Variants in TAFA1 observed in about 807,000 individuals in gnomAD.
TAFA1 encodes TAFA chemokine like family member 1.
In TAFA1, 4 loss-of-function variants were observed where a neutral mutation model predicts 18.5. The ratio of observed to expected loss-of-function variants is 0.22; its 90% CI spans 0.11 to 0.49. TAFA1 has a LOEUF of 0.49. Among genes scored for constraint, TAFA1 ranks in the 20% least tolerant of loss-of-function variants. The pLI, the probability that TAFA1 is intolerant of heterozygous loss-of-function variation, is 0.98. For synonymous variants in TAFA1, 56 were observed against 55.2 expected (o/e 1.01, Z -0.06); for missense variants, 147 against 169.0 (o/e 0.87, Z 0.72).
chr3:68,273,774 T>A (rs1232774239), intron 2 of TAFA1, among the ~76,000 whole-genome samples: 5 of 152,152 alleles, frequency 3.3e-5, no homozygotes, highest in Admixed American at 3.3e-4. Context: ...GGTAATAGTA[T>A]AATGCACAGG....
chr3:68,354,852 T>G (rs1174653757), intron 2 of TAFA1, among the ~76,000 whole-genome samples: 1 of 151,926 alleles, frequency 6.6e-6, no homozygotes, highest in African/African-American at 2.4e-5. Flanking sequence ...TCAAGCCCTT[T>G]TATAAGCCAG....
At chr3:68,366,958 C>A (rs911708673) in intron 2 of TAFA1, among the ~76,000 whole-genome samples, 4 of 152,038 alleles carry the variant, frequency 2.6e-5, no homozygotes, top group Non-Finnish European at 5.9e-5. Context: ...GGACATTGAC[C>A]CTGACTCAAG....
chr3:68,414,962 C>T (rs1421610612), intron 2 of TAFA1, among the ~76,000 whole-genome samples: 1 of 152,136 alleles, frequency 6.6e-6, no homozygotes, highest in Non-Finnish European at 1.5e-5. Flanking sequence ...CTAGCTGTTA[C>T]TGACTTGACG....
chr3:68,410,575 A>G (rs1302864111), intron 2 of TAFA1, among the ~76,000 whole-genome samples: 5 of 151,988 alleles, frequency 3.3e-5, no homozygotes, highest in Non-Finnish European at 5.9e-5. Flanking sequence ...GAGTAGTACA[A>G]ACAACCTCCA....
chr3:68,430,999 T>A (rs1323869230), intron 3 of TAFA1, among the ~76,000 whole-genome samples: 1 of 152,000 alleles, frequency 6.6e-6, no homozygotes, highest in African/African-American at 2.4e-5. Context: ...CATGTCAATT[T>A]ATTTTTCTCC....
intron 2 of TAFA1, among the ~76,000 whole-genome samples, chr3:68,395,803 T>C (rs1340746233): frequency 6.6e-6 from 1 of 151,932 alleles, no homozygotes; most frequent in Non-Finnish European, 1.5e-5. Flanking sequence ...CTGGGGCCTG[T>C]TGGAGGATGG....
chr3:68,167,786 T>G (rs958011811), intron 2 of TAFA1, among the ~76,000 whole-genome samples: 1 of 151,882 alleles, frequency 6.6e-6, no homozygotes, highest in African/African-American at 2.4e-5. Context: ...GTTACAGAAG[T>G]CTAAATTACT....
chr3:68,020,552 A>G (rs2106795409), intron 2 of TAFA1, among the ~76,000 whole-genome samples: 1 of 152,078 alleles, frequency 6.6e-6, no homozygotes, highest in East Asian at 1.9e-4. Context: ...CTTATATTTT[A>G]TGTAAATATG....
intron 2 of TAFA1, among the ~76,000 whole-genome samples, chr3:68,169,512 T>C (rs1488782057): frequency 6.6e-6 from 1 of 152,220 alleles, no homozygotes; most frequent in African/African-American, 2.4e-5. Flanking sequence ...TCCCTGAACA[T>C]CTTATTTAGT....
At chr3:68,464,853 C>A (rs2071855723) in intron 3 of TAFA1, among the ~76,000 whole-genome samples, 1 of 152,248 alleles carries the variant, frequency 6.6e-6, no homozygotes, top group South Asian at 2.1e-4. Flanking sequence ...CATGACACTG[C>A]ATGACTTGCT....
chr3:68,000,126 T>A (rs1015934779), upstream of TAFA1, among the ~76,000 whole-genome samples: 1 of 152,196 alleles, frequency 6.6e-6, no homozygotes, highest in Non-Finnish European at 1.5e-5. Context: ...TCATTATGCA[T>A]GCCATCCTGA....
intron 3 of TAFA1, among the ~76,000 whole-genome samples, chr3:68,420,782 A>G (rs1283407346): frequency 6.6e-6 from 1 of 152,104 alleles, no homozygotes; most frequent in Admixed American, 6.6e-5. Context: ...CAAAATGTCA[A>G]TGGTGCTGAG....
In TAFA1 at chr3:68,271,791, C is replaced by T. The variant is rs1427104516; in HGVS notation, c.119-145489C>T. Among the ~76,000 whole-genome samples, 8 of 151,308 alleles carry T rather than the reference C, an allele frequency of 5.3e-5. No individual in the cohort carries two copies. In the South Asian group the frequency reaches 1.7e-3, roughly 32 times the overall value. ...CCCTTCCATATTAGATTTTTCTCTC[C>T]CTGTCTCTTTTGCCTCTTTGTCTAT... On this transcript the variant is annotated intron_variant, in intron 2 of 4. Coordinates refer to ENST00000478136, the MANE Select transcript of TAFA1 (RefSeq NM_213609.4).
intron 2 of TAFA1, among the ~76,000 whole-genome samples, chr3:68,385,418 A>T (rs1023664549): frequency 6.6e-6 from 1 of 152,128 alleles, no homozygotes; most frequent in African/African-American, 2.4e-5. Context: ...AGAAAACAAG[A>T]CTTCAAAACC....
chr3:68,238,918 T>C (rs1281230137), intron 2 of TAFA1, among the ~76,000 whole-genome samples: 1 of 152,196 alleles, frequency 6.6e-6, no homozygotes, highest in African/African-American at 2.4e-5. Context: ...TAGAAACTAA[T>C]GATCTATGGA....
chr3:68,036,105 G>A (rs1575585135), intron 2 of TAFA1, among the ~76,000 whole-genome samples: 1 of 152,270 alleles, frequency 6.6e-6, no homozygotes, highest in Non-Finnish European at 1.5e-5. Context: ...TAGTTACATG[G>A]CTGTGAATTT....
intron 2 of TAFA1, among the ~76,000 whole-genome samples, chr3:68,415,965 A>G (rs1209663724): frequency 6.6e-6 from 1 of 152,176 alleles, no homozygotes; most frequent in East Asian, 1.9e-4. Context: ...CCTTCACAAT[A>G]TCGATCTTTT....
At chr3:68,493,890 C>T (rs534671033) in intron 3 of TAFA1, among the ~76,000 whole-genome samples, 1 of 152,268 alleles carries the variant, frequency 6.6e-6, no homozygotes, top group East Asian at 1.9e-4. Context: ...TTGACCCTTT[C>T]CCAGAAATGC....
intron 2 of TAFA1, among the ~76,000 whole-genome samples, chr3:68,060,003 T>A (rs1255392667): frequency 6.6e-6 from 1 of 151,894 alleles, no homozygotes; most frequent in African/African-American, 2.4e-5. Flanking sequence ...TTCTTTAGGC[T>A]GAAGTGAGAA....
Sources: allele counts gnomAD v4.1 joint callset (sites outside exome capture counted in the v4.1 genomes callset), GRCh38; gene constraint gnomAD v4.1.1; transcripts MANE v1.5; gene names NCBI Gene and HGNC (gene_info 2026-07-23, HGNC 2026-07-21).